EDEM1: variants seen among roughly 807,000 people sequenced by gnomAD.
The protein encoded by EDEM1 is ER degradation-enhancing alpha-mannosidase-like protein 1.
In EDEM1, 67 loss-of-function variants were observed where a neutral mutation model predicts 74.4. That is an observed-to-expected ratio of 0.90 (90% CI 0.74 to 1.10). EDEM1 has a LOEUF of 1.10. Among genes scored for constraint, EDEM1 ranks in the 50% least tolerant of loss-of-function variants. The probability of loss-of-function intolerance (pLI) is 0.00; values close to 1 mark genes in which losing one functional copy is unlikely to be tolerated. For missense variants in EDEM1, 926 were observed against 851.6 expected, an observed-to-expected ratio of 1.09 and a Z score of -1.09; for synonymous variants, 382 against 335.9, an observed-to-expected ratio of 1.14 and a Z score of -1.50.
chr3:5,205,297 G>A (rs2055083303), intron 6 of EDEM1, 56 bp downstream of exon 6: 1 of 1,536,908 alleles, frequency 6.5e-7, no homozygotes. Flanking sequence ...AATGCATTCT[G>A]AAGCGTTTGT....
At chr3:5,213,072 C>T (rs528805357) in intron 10 of EDEM1, among the ~76,000 whole-genome samples, 3 of 152,280 alleles carry the variant, frequency 2.0e-5, no homozygotes, top group East Asian at 1.9e-4. Flanking sequence ...TGAGTCTCTG[C>T]GTCTGGGCAG....
intron 10 of EDEM1, among the ~76,000 whole-genome samples, chr3:5,212,327 CT>C (rs1424029936): frequency 1.3e-5 from 2 of 152,338 alleles, no homozygotes; most frequent in African/African-American, 4.8e-5. Flanking sequence ...GACAGCTGTC[CT>C]GCTGTCGATT....
chr3:5,213,199 T>C, intron 10 of EDEM1, 120 bp from the exon 11 acceptor site: 1 of 959,182 alleles, frequency 1.0e-6, no homozygotes, highest in Non-Finnish European at 1.5e-6. Flanking sequence ...CACCCAGTTG[T>C]CACTGAGAAG....
chr3:5,190,186 G>A (rs1559292444), intron 1 of EDEM1, among the ~76,000 whole-genome samples: 1 of 152,156 alleles, frequency 6.6e-6, no homozygotes, highest in African/African-American at 2.4e-5. Context: ...GTTTTACATA[G>A]TTGCAATCAT....
At chr3:5,193,154 G>A (rs1480435377) in intron 1 of EDEM1, among the ~76,000 whole-genome samples, 1 of 152,130 alleles carries the variant, frequency 6.6e-6, no homozygotes, top group Admixed American at 6.5e-5. Flanking sequence ...AGTTACATGT[G>A]GTTCTCCTGA....
intron 6 of EDEM1, 25 bp from the exon 7 acceptor site, chr3:5,207,128 C>G (rs375580283): frequency 4.2e-5 from 67 of 1,612,892 alleles, no homozygotes; most frequent in Non-Finnish European, 5.3e-5. Flanking sequence ...CTTTTCACCA[C>G]TGAATGTGCT....
rs766585132 is a variant in EDEM1, at chr3:5,187,757, C to A, written c.-49C>A. On this transcript the variant is annotated 5_prime_UTR_variant, in exon 1 of 12. Coordinates refer to ENST00000256497, the MANE Select transcript of EDEM1 (RefSeq NM_014674.3). ...GGCGAGCGCGGGGTGCGGTGGTCGG[C>A]GGGGAGGCCCCCGCGCTTTAAAATA... 6.2e-5 allele frequency: 91 copies of A among 1,456,044 alleles called. No homozygotes were observed. Among genetic ancestry groups the A allele is most frequent in the Admixed American group, 2.2e-4 (9 of 41,512 alleles). 90.2% of individuals were successfully genotyped at this position (1,456,044 alleles called of 1,614,324 possible).
intron 1 of EDEM1, chr3:5,194,956 C>T (rs541700610): frequency 3.4e-6 from 1 of 291,358 alleles, no homozygotes; most frequent in Non-Finnish European, 6.3e-6. Flanking sequence ...TCACTGCCTC[C>T]TGACTTCCTG....
chr3:5,205,244 A>G lies in EDEM1; in HGVS notation c.1217+3A>G, dbSNP rs554137027. 4.0e-5 allele frequency: 65 copies of G among 1,611,718 alleles called. No individual in the cohort carries two copies. The highest frequency in any genetic ancestry group is 5.1e-5 in the Non-Finnish European group (60 of 1,178,770). On this transcript the variant is annotated splice_donor_region_variant and intron_variant, in intron 6 of 11. Coordinates refer to ENST00000256497, the MANE Select transcript of EDEM1 (RefSeq NM_014674.3). The stretch of plus-strand genomic sequence containing the variant: ...ATTCAGAACTACTTAAGAAGAGGGT[A>G]TGTCTCCCTAACATCTCCTCTGTTG...
In EDEM1 at chr3:5,203,071, G is replaced by A. The variant is rs140684807; in HGVS notation, c.964G>A (p.Asp322Asn). ...TGGGATTCTGAGTCGACTCCTGGGG[G>A]ACTCCACATTTGAGTGGGTGGCCAG... Reference protein sequence around the residue: ...EFGILSRLLGDSTFEWVARRA... With the variant: ...EFGILSRLLGNSTFEWVARRA... The change falls in exon 5 of 12, where the codon GAC (aspartate) becomes AAC (asparagine). Residue 322 changes from aspartate to asparagine, a missense_variant. By Grantham distance (23) the Asp-to-Asn change is conservative. Coordinates refer to ENST00000256497, the MANE Select transcript of EDEM1 (RefSeq NM_014674.3). 3.1e-6 allele frequency: 5 copies of A among 1,613,378 alleles called. No homozygotes were observed. The highest frequency in any genetic ancestry group is 4.2e-6 in the Non-Finnish European group (5 of 1,179,722).
chr3:5,195,334 T>C, intron 2 of EDEM1, 53 bp downstream of exon 2: 3 of 1,184,576 alleles, frequency 2.5e-6, no homozygotes, highest in Non-Finnish European at 3.5e-6. Context: ...TAGAGTTGAT[T>C]ATCCCTAGTT....
intron 8 of EDEM1, 44 bp downstream of exon 8, chr3:5,208,307 C>T: frequency 1.3e-6 from 2 of 1,584,040 alleles, no homozygotes; most frequent in Non-Finnish European, 1.7e-6. Context: ...ACTGCCTCCC[C>T]TGACCCCAGC....
rs1559300094 is a variant in EDEM1 at position 5,211,189 on chromosome 3, C to G, written c.1653C>G (p.Leu551=). The part of the protein sequence containing the change: ...STEDRMESFF[L]SETCKYLYLL... ...AAGACCGGATGGAGAGCTTCTTTCT[C>G]AGTGAGACCTGTAAATATTTGTATC... Residue 551 remains leucine (L), a synonymous_variant, in exon 10 of 12, where the codon CTC becomes CTG. Transcript: ENST00000256497. 1 of 1,613,998 alleles carries G rather than the reference C, an allele frequency of 6.2e-7. No homozygotes were observed. The highest frequency in any genetic ancestry group is 1.1e-5 in the South Asian group (1 of 91,084).
At chr3:5,189,290 T>C (rs1217375423) in intron 1 of EDEM1, 1 of 152,226 alleles carries the variant, frequency 6.6e-6, no homozygotes, top group African/African-American at 2.4e-5. Flanking sequence ...TTCCTTCACC[T>C]GGAGGAAAGC....
intron 1 of EDEM1, 123 bp from the exon 2 acceptor site, chr3:5,195,086 C>A (rs1024920128): frequency 2.0e-6 from 1 of 494,558 alleles, no homozygotes; most frequent in Non-Finnish European, 3.5e-6. Context: ...TATTAATTCA[C>A]CCATAATTAG....
chr3:5,202,490 T>C (rs1014908366), intron 4 of EDEM1, among the ~76,000 whole-genome samples: 7 of 152,242 alleles, frequency 4.6e-5, no homozygotes, highest in Non-Finnish European at 1.0e-4. Context: ...GGTAACTGAC[T>C]GAGAACTGCC....
chr3:5,199,950 T>C (rs2055014869), intron 3 of EDEM1, among the ~76,000 whole-genome samples: 1 of 151,814 alleles, frequency 6.6e-6, no homozygotes, highest in South Asian at 2.1e-4. Flanking sequence ...CTTTTTTTTT[T>C]TTTTTTTGAA....
rs181308174 is a variant in EDEM1 at position 5,207,402 on chromosome 3, G to A, written c.1338+129G>A. 31 of 1,281,724 alleles carry A rather than the reference G, an allele frequency of 2.4e-5. No homozygotes were observed. In the Admixed American group the frequency reaches 3.9e-4, roughly 16 times the overall value. 79.4% of individuals were successfully genotyped at this position (1,281,724 alleles called of 1,614,324 possible). On this transcript the variant is annotated intron_variant, in intron 7 of 11. Transcript: ENST00000256497. Reference sequence around the variant, plus strand: ...ATTTGGGAGGTCACTGACACTATACGTCTTCATCTCTCTGTTTGAGAAATT... The same window carrying A: ...ATTTGGGAGGTCACTGACACTATACATCTTCATCTCTCTGTTTGAGAAATT...
intron 5 of EDEM1, among the ~76,000 whole-genome samples, chr3:5,204,269 C>G (rs1474848721): frequency 6.6e-6 from 1 of 152,096 alleles, no homozygotes; most frequent in African/African-American, 2.4e-5. Flanking sequence ...TTTGATTCTG[C>G]CTGACATTTG....
Sources: allele counts gnomAD v4.1 joint callset (sites outside exome capture counted in the v4.1 genomes callset), GRCh38; gene constraint gnomAD v4.1.1; transcripts MANE v1.5; gene names NCBI Gene and HGNC (gene_info 2026-07-23, HGNC 2026-07-21).